Variants in EXOC6 observed in about 807,000 individuals in gnomAD.
EXOC6 encodes the protein exocyst complex component 6, also known as SEC15-like 1.
Under a neutral mutation model 112.5 loss-of-function variants are expected in EXOC6, and 60 were observed. The observed-to-expected ratio is 0.53, with a 90% CI of 0.43 to 0.66. The LOEUF is 0.66. Among genes scored for constraint, EXOC6 ranks in the 30% least tolerant of loss-of-function variants. EXOC6 has a pLI of 0.00. For missense variants in EXOC6, 855 were observed against 957.1 expected (o/e 0.89, Z 1.41); for synonymous variants, 295 against 308.0 (o/e 0.96, Z 0.44).
intron 18 of EXOC6, among the ~76,000 whole-genome samples, chr10:92,977,735 ATTGC>A (rs1197608214): frequency 6.6e-6 from 1 of 152,108 alleles, no homozygotes; most frequent in African/African-American, 2.4e-5. Flanking sequence ...TGTGTCATGT[ATTGC>A]TTTGAGGTGA....
At chr10:92,885,670 C>T (rs1849177406) in intron 1 of EXOC6, among the ~76,000 whole-genome samples, 1 of 152,158 alleles carries the variant, frequency 6.6e-6, no homozygotes, top group Admixed American at 6.5e-5. Context: ...AGCCACTGTG[C>T]CCAGCCATCT....
intron 18 of EXOC6, among the ~76,000 whole-genome samples, chr10:92,989,653 A>G (rs775888240): frequency 3.6e-4 from 55 of 152,094 alleles, no homozygotes; most frequent in Admixed American, 2.2e-3. Flanking sequence ...CTTTTTACTC[A>G]CTCGATATAA....
chr10:92,848,424 G>A (rs1359434234), upstream of EXOC6: 1 of 903,574 alleles, frequency 1.1e-6, no homozygotes, highest in Non-Finnish European at 1.3e-6. Flanking sequence ...CCGCGCCGCC[G>A]GCCCGAGCGC....
intron 1 of EXOC6, among the ~76,000 whole-genome samples, chr10:92,870,109 G>A (rs1848376625): frequency 6.6e-6 from 1 of 151,672 alleles, no homozygotes; most frequent in Non-Finnish European, 1.5e-5. Context: ...CCACCACCAC[G>A]CCTGGCTAAT....
intron 18 of EXOC6, 48 bp downstream of exon 18, chr10:92,974,280 T>TCTAAA: frequency 7.6e-7 from 1 of 1,318,760 alleles, no homozygotes; most frequent in Non-Finnish European, 1.0e-6. Context: ...CTTACTAAAG[T>TCTAAA]ATATTTTAGA....
chr10:92,909,528 A>G lies in EXOC6; in HGVS notation c.560A>G (p.Lys187Arg). ...FCQLMIENLP[K>R]LREDIKEISM... ...CAGCTCATGATAGAAAATCTTCCCA[A>G]ACTCCGTGAGGATATTAAAGAAATC... Residue 187 changes from lysine to arginine, a missense_variant, in exon 6 of 22, where the codon AAA becomes AGA. By Grantham distance (26) the Lys-to-Arg change is conservative. Around this residue, in one of 2 missense-constraint regions of EXOC6, gnomAD observed 405 missense variants for 393.6 expected, o/e 1.03. Coordinates refer to ENST00000260762, the MANE Select transcript of EXOC6 (RefSeq NM_019053.6). The G allele has an allele frequency of 6.2e-7, 1 of 1,613,410 alleles. No individual in the cohort carries two copies. Among genetic ancestry groups the G allele is most frequent in the Non-Finnish European group, 8.5e-7 (1 of 1,179,526 alleles).
rs1182309633 is a variant in EXOC6, at chr10:92,997,418, G to A, written c.1954-56G>A. 7.3e-6 allele frequency: 11 copies of A among 1,498,330 alleles called. No individual in the cohort carries two copies. The African/African-American group carries it at 1.5e-4, about 21-fold the overall frequency. The allele number at this position is 1,498,330 out of a possible 1,614,324, so 92.8% of individuals were successfully genotyped here. A position where few individuals can be genotyped will look rare whatever the true frequency, so the allele number is the denominator to read the frequency against. On this transcript the variant is annotated intron_variant, in intron 18 of 21. Transcript: ENST00000260762. The stretch of plus-strand genomic sequence containing the variant: ...GTGTATGATTTTTCTGATTCTTTAT[G>A]ATGTATTTCTATGTGTGTTTATTTG...
chr10:92,941,095 C>A (rs538753291), intron 13 of EXOC6, among the ~76,000 whole-genome samples: 2 of 152,208 alleles, frequency 1.3e-5, no homozygotes, highest in South Asian at 4.2e-4. Flanking sequence ...TTTCCCCCTT[C>A]CCCCAGCCTC....
intron 18 of EXOC6, among the ~76,000 whole-genome samples, chr10:92,979,180 C>T (rs1969905): frequency 1.5e-4 from 23 of 151,806 alleles, no homozygotes; most frequent in African/African-American, 4.6e-4. Context: ...CCTTCCCCTC[C>T]GGTGAAGTCT....
upstream of EXOC6, among the ~76,000 whole-genome samples, chr10:92,846,350 C>T (rs1243585205): frequency 2.0e-5 from 3 of 152,192 alleles, no homozygotes; most frequent in African/African-American, 7.2e-5. Context: ...AGGAAACTGG[C>T]CTGTGCCACA....
intron 13 of EXOC6, among the ~76,000 whole-genome samples, chr10:92,942,587 A>C (rs943431922): frequency 5.3e-5 from 8 of 152,282 alleles, no homozygotes; most frequent in African/African-American, 1.7e-4. Flanking sequence ...TTTATTAACT[A>C]TTTTAAAAAT....
intron 1 of EXOC6, among the ~76,000 whole-genome samples, chr10:92,869,272 G>A (rs1220622090): frequency 6.6e-6 from 1 of 151,220 alleles, no homozygotes; most frequent in Non-Finnish European, 1.5e-5. Flanking sequence ...CAGAGTGCTG[G>A]ATTACAGGCA....
upstream of EXOC6, among the ~76,000 whole-genome samples, chr10:92,845,107 G>A (rs1371867992): frequency 6.6e-6 from 1 of 152,190 alleles, no homozygotes; most frequent in Non-Finnish European, 1.5e-5. Context: ...TCTTCCTGGT[G>A]TATCTTTCTT....
chr10:92,835,506 T>G (rs560026625), intron 1 of EXOC6, among the ~76,000 whole-genome samples: 2 of 152,354 alleles, frequency 1.3e-5, no homozygotes, highest in East Asian at 3.9e-4. Flanking sequence ...GGGAACAAGA[T>G]ATTCATCACT....
intron 11 of EXOC6, among the ~76,000 whole-genome samples, chr10:92,934,751 C>A (rs1289812600): frequency 6.6e-6 from 1 of 152,094 alleles, no homozygotes; most frequent in African/African-American, 2.4e-5. Flanking sequence ...CATTTCAATT[C>A]TTTGTTTCTA....
At chr10:93,020,663 A>T (rs1425317644) in intron 20 of EXOC6, among the ~76,000 whole-genome samples, 3 of 152,156 alleles carry the variant, frequency 2.0e-5, no homozygotes, top group African/African-American at 7.2e-5. Flanking sequence ...GACTGATTTG[A>T]TGAGATCTTT....
chr10:92,855,943 C>T (rs1215448998), intron 1 of EXOC6, among the ~76,000 whole-genome samples: 11 of 152,148 alleles, frequency 7.2e-5, no homozygotes, highest in Non-Finnish European at 2.9e-5. Context: ...TGGCTCACTG[C>T]AACCTCCGCC....
intron 1 of EXOC6, among the ~76,000 whole-genome samples, chr10:92,861,728 A>C (rs1373396365): frequency 1.3e-5 from 2 of 152,182 alleles, no homozygotes; most frequent in African/African-American, 4.8e-5. Flanking sequence ...AAGGGCCACA[A>C]ACTCTTACTG....
chr10:92,848,228 G>A (rs1312591851), upstream of EXOC6, among the ~76,000 whole-genome samples: 1 of 152,242 alleles, frequency 6.6e-6, no homozygotes, highest in Non-Finnish European at 1.5e-5. Context: ...CAGAAGACAA[G>A]GAGATATGTT....
Sources: allele counts gnomAD v4.1 joint callset (sites outside exome capture counted in the v4.1 genomes callset), GRCh38; gene constraint gnomAD v4.1.1; regional missense constraint gnomAD v4.1.1; transcripts MANE v1.5; gene names NCBI Gene and HGNC (gene_info 2026-07-23, HGNC 2026-07-21).